Variants in ZNF423 observed in about 807,000 individuals in gnomAD.
The protein encoded by ZNF423 is zinc finger protein 423.
Under a neutral mutation model 95.8 loss-of-function variants are expected in ZNF423, and 12 were observed. The observed-to-expected ratio is 0.13, with a 90% CI of 0.08 to 0.20. The LOEUF is 0.20. Among genes scored for constraint, ZNF423 ranks in the 10% least tolerant of loss-of-function variants. ZNF423 has a pLI of 1.00. For synonymous variants in ZNF423, 749 were observed against 711.9 expected (o/e 1.05, Z -0.83); for missense variants, 1,316 against 1,737.1 (o/e 0.76, Z 4.31).
chr16:49,615,375 T>C (rs985413160), intron 5 of ZNF423, among the ~76,000 whole-genome samples: 4 of 152,138 alleles, frequency 2.6e-5, no homozygotes, highest in Non-Finnish European at 1.5e-5. Flanking sequence ...TAATTCAAAC[T>C]TACTTAGCCT....
chr16:49,624,182 A>G (rs1972178493), intron 5 of ZNF423, among the ~76,000 whole-genome samples: 1 of 152,072 alleles, frequency 6.6e-6, no homozygotes, highest in Non-Finnish European at 1.5e-5. Context: ...ATAATGTATT[A>G]TATATAAACG....
chr16:49,846,299 CAA>C (rs11338195), intron 1 of ZNF423, among the ~76,000 whole-genome samples: 892 of 76,384 alleles, frequency 0.012, 6 homozygotes, highest in African/African-American at 0.043. Context: ...GACTCTGTCT[CAA>C]AAAAAAAAAA....
intron 5 of ZNF423, among the ~76,000 whole-genome samples, chr16:49,572,179 C>A (rs188425683): frequency 6.6e-5 from 10 of 152,256 alleles, no homozygotes; most frequent in African/African-American, 2.4e-4. Flanking sequence ...ACAACACAGA[C>A]CTGCAGCTGC....
rs145503941 is a variant in ZNF423 at position 49,638,369 on chromosome 16, G to A, written c.807C>T (p.Asp269=). ...LAKSEKEAKK[D]DFMCDYCEDT... ...CCTCGCAGTAGTCGCACATGAAGTCGTCCTTCTTGGCTTCCTTCTCCGACT... is the reference window on the plus strand; with the variant it reads ...CCTCGCAGTAGTCGCACATGAAGTCATCCTTCTTGGCTTCCTTCTCCGACT... Residue 269 remains aspartate (D), a synonymous_variant, in exon 4 of 8, where the codon GAC becomes GAT. Coordinates refer to ENST00000563137, the MANE Select transcript of ZNF423 (RefSeq NM_001379286.1). This position sits in a 1 kb window ranked among gnomAD's most constrained non-coding sequence, Gnocchi z 5.6. 1.6e-4 allele frequency: 261 copies of A among 1,614,030 alleles called. No homozygotes were observed. In the African/African-American group the frequency reaches 3.1e-3, roughly 19 times the overall value.
chr16:49,855,606 GCCTCCTCCTCCT>G lies in ZNF423; in HGVS notation c.40+117_40+128del, dbSNP rs1203821734. On this transcript the variant is annotated intron_variant, in intron 1 of 7. Transcript: ENST00000563137. The surrounding 1 kb of genome is among the most constrained non-coding windows in gnomAD (Gnocchi z 4.7). ...CGCCTCCGCCTCCGCCTCCTCTGCC[GCCTCCTCCTCCT>G]CCTCTCGGCTCGCTCGCGCGGGTCC... 1 of 175,022 alleles carries G rather than the reference GCCTCCTCCTCCT, an allele frequency of 5.7e-6. No homozygotes were observed. Among genetic ancestry groups the G allele is most frequent in the South Asian group, 1.1e-4 (1 of 9,044 alleles). The allele number at this position is 175,022 out of a possible 1,614,324, so 10.8% of individuals were successfully genotyped here.
chr16:49,664,424 G>A (rs2030427689), intron 3 of ZNF423: 5 of 424,654 alleles, frequency 1.2e-5, no homozygotes, highest in African/African-American at 2.1e-5. Flanking sequence ...CTCAGGCCAC[G>A]CGGCCAGATG....
At chr16:49,606,809 T>C (rs1452168417) in intron 5 of ZNF423, among the ~76,000 whole-genome samples, 1 of 152,074 alleles carries the variant, frequency 6.6e-6, no homozygotes, top group Non-Finnish European at 1.5e-5. Context: ...ACTGACTGAG[T>C]AATGCTCCTG....
intron 7 of ZNF423, among the ~76,000 whole-genome samples, chr16:49,494,020 G>A (rs769703011): frequency 2.0e-5 from 3 of 152,212 alleles, no homozygotes; most frequent in African/African-American, 7.2e-5. Context: ...GGGGTGTCTG[G>A]GATCTCTGGA....
In ZNF423 at chr16:49,636,196, C is replaced by A; in HGVS notation, c.2980G>T (p.Asp994Tyr). 6.2e-7 allele frequency: 1 copy of A among 1,613,438 alleles called. No individual in the cohort carries two copies. Among genetic ancestry groups the A allele is most frequent in the African/African-American group, 1.3e-5 (1 of 75,048 alleles). The change falls in exon 4 of 8, where the codon GAC becomes TAC. Residue 994 changes from aspartate to tyrosine, a missense_variant. Around this residue, in one of 6 missense-constraint regions of ZNF423, gnomAD observed 620 missense variants for 775.6 expected, o/e 0.80. Coordinates refer to ENST00000563137, the MANE Select transcript of ZNF423 (RefSeq NM_001379286.1). This position sits in a 1 kb window ranked among gnomAD's most constrained non-coding sequence, Gnocchi z 8.6. ...TTGCAGATGCGACAGGTGCCCGTGT[C>A]CAGGCTCTTGCTGTGGGTCACCTTG... ...EHKVTHSKSLDTGTCRICKMP... is the reference protein window; with the variant it reads ...EHKVTHSKSLYTGTCRICKMP...
intron 2 of ZNF423, among the ~76,000 whole-genome samples, chr16:49,785,455 C>G (rs2034295634): frequency 6.6e-6 from 1 of 152,202 alleles, no homozygotes; most frequent in Non-Finnish European, 1.5e-5. Flanking sequence ...CTAAATATAC[C>G]AAAATTCACT....
chr16:49,637,852 C>A lies in ZNF423; in HGVS notation c.1324G>T (p.Ala442Ser), dbSNP rs201914334. 7 of 1,613,978 alleles carry A rather than the reference C, an allele frequency of 4.3e-6. No homozygotes were observed. The highest frequency in any genetic ancestry group is 1.1e-5 in the South Asian group (1 of 91,072). ...GTGTGGCTCTGCTGGGGCTTGTCCGCGTGGATGGTCTTCAGGTGGATCTCC... is the reference window on the plus strand; with the variant it reads ...GTGTGGCTCTGCTGGGGCTTGTCCGAGTGGATGGTCTTCAGGTGGATCTCC... Reference protein sequence around the residue: ...VLEIHLKTIHADKPQQSHTCQ... With the variant: ...VLEIHLKTIHSDKPQQSHTCQ... Residue 442 changes from alanine to serine, a missense_variant, in exon 4 of 8, where the codon GCG (alanine) becomes TCG (serine). Physicochemically the swap from Ala to Ser is moderately conservative, Grantham distance 99. This residue lies in a region of ZNF423 where 399 missense variants were observed against 478.5 expected (regional missense o/e 0.83). Coordinates refer to ENST00000563137, the MANE Select transcript of ZNF423 (RefSeq NM_001379286.1). This position sits in a 1 kb window ranked among gnomAD's most constrained non-coding sequence, Gnocchi z 5.6.
intron 5 of ZNF423, among the ~76,000 whole-genome samples, chr16:49,531,149 G>A (rs967232602): frequency 3.3e-5 from 5 of 152,132 alleles, no homozygotes; most frequent in African/African-American, 1.2e-4. Flanking sequence ...CTCTCCAAGA[G>A]TGTGTCTGCA....
At position 49,728,406 on chromosome 16, in the gene ZNF423, C is replaced by T. The variant is rs558484694; in HGVS notation, c.301+2365G>A. Among the ~76,000 whole-genome samples, 568 of 152,326 alleles carry T rather than the reference C, an allele frequency of 3.7e-3. 5 individuals carry two copies. The highest frequency in any genetic ancestry group is 4.9e-3 in the Non-Finnish European group (336 of 68,042). On this transcript the variant is annotated intron_variant, in intron 3 of 7. Coordinates refer to ENST00000563137, the MANE Select transcript of ZNF423 (RefSeq NM_001379286.1). ...CTTTCAAGGAATTTCTGACTCCCTT[C>T]CAATGCTCCAGGATTTGGGGGTATT...
At chr16:49,678,402 G>A (rs2031212862) in intron 3 of ZNF423, among the ~76,000 whole-genome samples, 1 of 152,118 alleles carries the variant, frequency 6.6e-6, no homozygotes, top group Non-Finnish European at 1.5e-5. Flanking sequence ...TTCGAGCTCT[G>A]TATCAGGCAT....
At chr16:49,495,739 T>C (rs1227760532) in intron 7 of ZNF423, among the ~76,000 whole-genome samples, 1 of 152,180 alleles carries the variant, frequency 6.6e-6, no homozygotes, top group Admixed American at 6.5e-5. Context: ...TGGGGTCTGA[T>C]GCTGGTTTTG....
At chr16:49,502,755 C>A (rs1278623534) in intron 7 of ZNF423, among the ~76,000 whole-genome samples, 1 of 151,732 alleles carries the variant, frequency 6.6e-6, no homozygotes, top group Admixed American at 6.6e-5. Context: ...TGTGCACACA[C>A]CACTCTATAT....
chr16:49,518,609 A>G (rs1968255185), intron 7 of ZNF423: 34 of 417,598 alleles, frequency 8.1e-5, no homozygotes, highest in South Asian at 5.9e-4. Flanking sequence ...AGTCTCCCCT[A>G]TTTCTTCCCT....
chr16:49,692,482 G>A (rs922357275), intron 3 of ZNF423, among the ~76,000 whole-genome samples: 11 of 151,964 alleles, frequency 7.2e-5, no homozygotes, highest in East Asian at 1.9e-4. Context: ...ACTGAAGTCC[G>A]ATCGGTGTTG....
intron 3 of ZNF423, among the ~76,000 whole-genome samples, chr16:49,695,716 C>T (rs1280229039): frequency 1.3e-5 from 2 of 152,238 alleles, no homozygotes; most frequent in African/African-American, 4.8e-5. Flanking sequence ...CGTGAGCCAC[C>T]GCGCCAGGCC....
Sources: allele counts gnomAD v4.1 joint callset (sites outside exome capture counted in the v4.1 genomes callset), GRCh38; gene constraint gnomAD v4.1.1; regional missense constraint gnomAD v4.1.1; non-coding constraint Gnocchi (gnomAD v3.1); transcripts MANE v1.5; gene names NCBI Gene and HGNC (gene_info 2026-07-23, HGNC 2026-07-21).